Variants in CAPRIN1 observed in about 807,000 individuals in gnomAD.
The protein encoded by CAPRIN1 is caprin-1.
In CAPRIN1, 29 loss-of-function variants were observed where a neutral mutation model predicts 100.9. That is an observed-to-expected ratio of 0.29 (90% CI 0.21 to 0.39). The LOEUF is 0.39. CAPRIN1 is among the 10% of genes least tolerant of loss of function. CAPRIN1 has a pLI of 1.00. For missense variants in CAPRIN1, 795 were observed against 876.7 expected (o/e 0.91, Z 1.18); for synonymous variants, 338 against 307.5 (o/e 1.10, Z -1.04).
At chr11:34,085,545 C>G (rs1206559283) in intron 9 of CAPRIN1, among the ~76,000 whole-genome samples, 1 of 152,190 alleles carries the variant, frequency 6.6e-6, no homozygotes, top group Non-Finnish European at 1.5e-5. Context: ...TGGCTCATGC[C>G]TGTATTCCCA....
chr11:34,058,340 T>C (rs968661690), intron 2 of CAPRIN1, among the ~76,000 whole-genome samples: 1 of 152,208 alleles, frequency 6.6e-6, no homozygotes, highest in East Asian at 1.9e-4. Flanking sequence ...TTTTGCCATG[T>C]TGACCAGGCT....
intron 11 of CAPRIN1, among the ~76,000 whole-genome samples, chr11:34,087,034 T>C (rs1851159937): frequency 6.6e-6 from 1 of 152,208 alleles, no homozygotes; most frequent in African/African-American, 2.4e-5. Flanking sequence ...TTTCAGACTC[T>C]TTCTGGACTT....
intron 2 of CAPRIN1, among the ~76,000 whole-genome samples, chr11:34,056,988 T>C (rs996302847): frequency 4.6e-5 from 7 of 152,212 alleles, no homozygotes; most frequent in Admixed American, 2.6e-4. Flanking sequence ...AAGAATGCTG[T>C]TGTTGTGAGG....
intron 17 of CAPRIN1, 132 bp downstream of exon 17, chr11:34,097,428 C>G (rs1243705829): frequency 1.3e-6 from 1 of 797,182 alleles, no homozygotes; most frequent in Non-Finnish European, 2.0e-6. Flanking sequence ...TCTGTTGAAA[C>G]AAAAGCTTTT....
chr11:34,090,475 T>G (rs1025141439), intron 13 of CAPRIN1, 54 bp from the exon 14 acceptor site: 53 of 1,580,100 alleles, frequency 3.4e-5, no homozygotes, highest in Non-Finnish European at 4.3e-5. Flanking sequence ...GTTCACTTTT[T>G]GTTTGGCTAA....
At chr11:34,052,730 T>G (rs1288060899) in intron 2 of CAPRIN1, 94 bp downstream of exon 2, 33 of 1,453,002 alleles carry the variant, frequency 2.3e-5, no homozygotes, top group Non-Finnish European at 3.1e-5. Context: ...TCTTTTCGTC[T>G]CGGGAGCGTT....
intron 2 of CAPRIN1, among the ~76,000 whole-genome samples, chr11:34,064,508 T>G (rs1259582322): frequency 6.6e-6 from 1 of 152,266 alleles, no homozygotes; most frequent in African/African-American, 2.4e-5. Context: ...ATCCTTTTCC[T>G]TATCATGGAA....
chr11:34,070,053 A>G (rs1399911963), intron 2 of CAPRIN1, among the ~76,000 whole-genome samples: 1 of 152,158 alleles, frequency 6.6e-6, no homozygotes, highest in Admixed American at 6.6e-5. Flanking sequence ...GGAACTATGT[A>G]TGTTCATAAT....
intron 4 of CAPRIN1, 60 bp downstream of exon 4, chr11:34,072,047 T>G: frequency 9.0e-7 from 1 of 1,114,898 alleles, no homozygotes; most frequent in Non-Finnish European, 1.3e-6. Flanking sequence ...TGGGTTTTAG[T>G]CCTTCCATTA....
intron 2 of CAPRIN1, among the ~76,000 whole-genome samples, chr11:34,061,469 A>C (rs1289619014): frequency 6.6e-6 from 1 of 151,906 alleles, no homozygotes. Flanking sequence ...TGGCCTCCCA[A>C]AGTGTTGAGA....
At chr11:34,087,576 G>A (rs1205363859) in intron 11 of CAPRIN1, among the ~76,000 whole-genome samples, 1 of 122,544 alleles carries the variant, frequency 8.2e-6, no homozygotes, top group Non-Finnish European at 1.8e-5. Flanking sequence ...CTCGTGATCC[G>A]CCCGCCTCGG....
In CAPRIN1 at chr11:34,100,169, T is replaced by G. The variant is rs899914880; in HGVS notation, c.*802T>G. Reference sequence around the variant, plus strand: ...ACAGTTTCTTTGAGACAATGACTTTTGTAAGGATTGGTACTATCTATCATT... The same window carrying G: ...ACAGTTTCTTTGAGACAATGACTTTGGTAAGGATTGGTACTATCTATCATT... On this transcript the variant is annotated 3_prime_UTR_variant, in exon 19 of 19. Transcript: ENST00000341394. 1.3e-5 allele frequency: 2 copies of G among 150,740 alleles called. No homozygotes were observed. The highest frequency in any genetic ancestry group is 3.0e-5 in the Non-Finnish European group (2 of 67,766). The allele number at this position is 150,740 out of a possible 1,614,324, so 9.3% of individuals were successfully genotyped here.
chr11:34,079,539 A>T, intron 6 of CAPRIN1, 89 bp from the exon 7 acceptor site: 2 of 1,067,632 alleles, frequency 1.9e-6, no homozygotes, highest in Non-Finnish European at 2.8e-6. Context: ...GTTATTTTTT[A>T]ATCACAATAT....
intron 4 of CAPRIN1, among the ~76,000 whole-genome samples, chr11:34,073,146 A>G (rs1850835483): frequency 6.6e-6 from 1 of 152,156 alleles, no homozygotes; most frequent in African/African-American, 2.4e-5. Context: ...AAAAAAGTTT[A>G]TTATATGAGA....
chr11:34,088,831 T>A (rs1485170241), intron 11 of CAPRIN1, among the ~76,000 whole-genome samples: 1 of 152,210 alleles, frequency 6.6e-6, no homozygotes, highest in Non-Finnish European at 1.5e-5. Flanking sequence ...AAAAACAAGA[T>A]GAAACCAATT....
intron 2 of CAPRIN1, among the ~76,000 whole-genome samples, chr11:34,067,309 A>G (rs1404636242): frequency 9.9e-5 from 15 of 152,250 alleles, no homozygotes; most frequent in African/African-American, 3.1e-4. Flanking sequence ...TGCTCTTTGA[A>G]AATTCTGTAA....
intron 2 of CAPRIN1, chr11:34,053,189 G>C (rs561837364): frequency 1.0e-6 from 1 of 983,646 alleles, no homozygotes; most frequent in African/African-American, 1.7e-5. Context: ...TCTTAAGGTA[G>C]AACTGCCTTT....
chr11:34,052,297 C>T, intron 1 of CAPRIN1, 124 bp from the exon 2 acceptor site: 3 of 827,016 alleles, frequency 3.6e-6, no homozygotes, highest in South Asian at 1.6e-5. Context: ...CGCCCCCTCC[C>T]CCACCCGCTC....
At chr11:34,093,535 A>G (rs1416724612) in intron 15 of CAPRIN1, among the ~76,000 whole-genome samples, 1 of 152,218 alleles carries the variant, frequency 6.6e-6, no homozygotes, top group African/African-American at 2.4e-5. Flanking sequence ...CTAATTATTC[A>G]ATTTCTTGGT....
Sources: allele counts gnomAD v4.1 joint callset (sites outside exome capture counted in the v4.1 genomes callset), GRCh38; gene constraint gnomAD v4.1.1; transcripts MANE v1.5; gene names NCBI Gene and HGNC (gene_info 2026-07-23, HGNC 2026-07-21).